Variants in ABITRAM observed in about 807,000 individuals in gnomAD.
The protein encoded by ABITRAM is protein Abitram.
In ABITRAM, 19 loss-of-function variants were observed where a neutral mutation model predicts 22.9. The ratio of observed to expected loss-of-function variants is 0.83; its 90% CI spans 0.58 to 1.22. The LOEUF is 1.22. Among genes scored for constraint, ABITRAM ranks in the 50% most tolerant of loss-of-function variants. The pLI is 0.00. For synonymous variants in ABITRAM, 70 were observed against 73.9 expected (o/e 0.95, Z 0.27); for missense variants, 215 against 220.2 (o/e 0.98, Z 0.15).
Position 108,940,158 on chromosome 9 carries a change from A to G in ABITRAM, c.*472A>G, listed in dbSNP as rs1365598334. On this transcript the variant is annotated 3_prime_UTR_variant, in exon 6 of 6. Coordinates refer to ENST00000322940, the MANE Select transcript of ABITRAM (RefSeq NM_017832.4). ...TAAACGAGTCAAAAATATATCATTA[A>G]CCAAACACGAAACCCACTTATAGAG... 2 of 153,432 alleles carry G rather than the reference A, an allele frequency of 1.3e-5. No homozygotes were observed. Among genetic ancestry groups the G allele is most frequent in the African/African-American group, 2.4e-5 (1 of 41,454 alleles). 9.5% of individuals were successfully genotyped at this position (153,432 alleles called of 1,614,324 possible).
At chr9:108,943,884 T>C (rs1351408839), downstream of ABITRAM, 43 of 1,599,612 alleles carry the variant, frequency 2.7e-5, no homozygotes, top group Non-Finnish European at 3.7e-5. Context: ...TTAAACACAT[T>C]TATACATTGA....
downstream of ABITRAM, among the ~76,000 whole-genome samples, chr9:108,941,438 T>C (rs1284305166): frequency 6.6e-6 from 1 of 152,228 alleles, no homozygotes; most frequent in Non-Finnish European, 1.5e-5. Context: ...CATTCTCCCA[T>C]TATTTCTATT....
At chr9:108,937,876 T>TA (rs1272081030) in intron 3 of ABITRAM, among the ~76,000 whole-genome samples, 1 of 151,150 alleles carries the variant, frequency 6.6e-6, no homozygotes, top group Non-Finnish European at 1.5e-5. Flanking sequence ...CATGTGCCTA[T>TA]AGTCCCAGTT....
chr9:108,942,134 C>G (rs1830263670), downstream of ABITRAM, among the ~76,000 whole-genome samples: 1 of 152,212 alleles, frequency 6.6e-6, no homozygotes, highest in Non-Finnish European at 1.5e-5. Context: ...AAAAACCCAT[C>G]TCATACTCTC....
chr9:108,938,831 G>C (rs12335497), intron 3 of ABITRAM, among the ~76,000 whole-genome samples: 8,029 of 152,042 alleles, frequency 0.053, 323 homozygotes, highest in East Asian at 0.12. Flanking sequence ...CAATATTGCT[G>C]TCATACTGTG....
At chr9:108,938,591 A>C (rs1475452920) in intron 3 of ABITRAM, among the ~76,000 whole-genome samples, 1 of 151,482 alleles carries the variant, frequency 6.6e-6, no homozygotes, top group Non-Finnish European at 1.5e-5. Flanking sequence ...TTGCTGCTTA[A>C]AACTTTTGTT....
chr9:108,936,023 C>T (rs1235479577), intron 2 of ABITRAM: 6 of 495,640 alleles, frequency 1.2e-5, no homozygotes, highest in African/African-American at 3.9e-5. Flanking sequence ...TATGGTATCT[C>T]GTATACACAG....
chr9:108,942,532 A>G (rs1403623752), downstream of ABITRAM: 3 of 523,490 alleles, frequency 5.7e-6, no homozygotes, highest in Non-Finnish European at 1.0e-5. Flanking sequence ...TTTAAAGAAC[A>G]TTAGTGCAAT....
chr9:108,943,255 C>T (rs781329095), downstream of ABITRAM, among the ~76,000 whole-genome samples: 1 of 152,114 alleles, frequency 6.6e-6, no homozygotes, highest in Non-Finnish European at 1.5e-5. Flanking sequence ...TCATGGAACC[C>T]CAGCAGAAAG....
chr9:108,943,727 A>G (rs1299373750), downstream of ABITRAM: 1 of 1,612,842 alleles, frequency 6.2e-7, no homozygotes, highest in Non-Finnish European at 8.5e-7. Flanking sequence ...TATTCTGCAA[A>G]GAAGTCTTAG....
rs1422540018 is a variant in ABITRAM at position 108,940,887 on chromosome 9, T to G, written c.*1201T>G. 1 of 152,204 alleles carries G rather than the reference T, an allele frequency of 6.6e-6. No individual in the cohort carries two copies. Among genetic ancestry groups the G allele is most frequent in the Non-Finnish European group, 1.5e-5 (1 of 68,020 alleles). The allele number at this position is 152,204 out of a possible 1,614,324, so 9.4% of individuals were successfully genotyped here. ...TAAAAGGACTATAAAACGTGTTATT[T>G]TTCTGTAAGGGCTATAACATACATG... On this transcript the variant is annotated 3_prime_UTR_variant, in exon 6 of 6. Coordinates refer to ENST00000322940, the MANE Select transcript of ABITRAM (RefSeq NM_017832.4).
downstream of ABITRAM, chr9:108,943,895 T>C (rs1218433114): frequency 1.7e-5 from 27 of 1,598,172 alleles, no homozygotes; most frequent in East Asian, 5.8e-4. Context: ...TATACATTGA[T>C]ATTATACCCC....
intron 3 of ABITRAM, among the ~76,000 whole-genome samples, chr9:108,947,099 T>G (rs1587940902): frequency 6.6e-6 from 1 of 150,818 alleles, no homozygotes. Flanking sequence ...AGTGATAAAG[T>G]GATAGAAATT....
chr9:108,934,924 T>A (rs902970108), intron 1 of ABITRAM, among the ~76,000 whole-genome samples: 1 of 152,092 alleles, frequency 6.6e-6, no homozygotes, highest in Non-Finnish European at 1.5e-5. Flanking sequence ...TAGCGATACA[T>A]AAAATTATTT....
At chr9:108,939,360 C>G in intron 4 of ABITRAM, 25 bp from the exon 5 acceptor site, 1 of 1,597,444 alleles carries the variant, frequency 6.3e-7, no homozygotes, top group East Asian at 2.2e-5. Context: ...AGTAAACATG[C>G]TGAAATCTTA....
intron 3 of ABITRAM, among the ~76,000 whole-genome samples, chr9:108,937,504 T>G (rs547319772): frequency 1.3e-5 from 2 of 152,212 alleles, no homozygotes; most frequent in African/African-American, 2.4e-5. Context: ...GAGACCCTTA[T>G]TCAAACCCCC....
chr9:108,938,116 A>G (rs974096354), intron 3 of ABITRAM, among the ~76,000 whole-genome samples: 1 of 152,176 alleles, frequency 6.6e-6, no homozygotes, highest in African/African-American at 2.4e-5. Flanking sequence ...TCATTCTCCC[A>G]AAGGAGGTGA....
chr9:108,939,805 G>A lies in ABITRAM; in HGVS notation c.*119G>A. Reference sequence around the variant, plus strand: ...TACCTAACAGCCAGCCATATGCAGGGGAGGCCTAGTGCTTCACTTAGTTTT... The same window carrying A: ...TACCTAACAGCCAGCCATATGCAGGAGAGGCCTAGTGCTTCACTTAGTTTT... On this transcript the variant is annotated 3_prime_UTR_variant, in exon 6 of 6. Transcript: ENST00000322940. 8.4e-7 allele frequency: 1 copy of A among 1,192,610 alleles called. No homozygotes were observed. Among genetic ancestry groups the A allele is most frequent in the Non-Finnish European group, 1.2e-6 (1 of 849,534 alleles). The allele number at this position is 1,192,610 out of a possible 1,614,324, so 73.9% of individuals were successfully genotyped here.
downstream of ABITRAM, chr9:108,942,920 A>AT (rs1830285782): frequency 6.2e-7 from 1 of 1,608,778 alleles, no homozygotes; most frequent in Admixed American, 1.7e-5. Flanking sequence ...CTTTTAAACC[A>AT]TTTTTTAAAG....
Sources: gnomAD v4.1 joint callset for allele counts (sites outside exome capture counted in the v4.1 genomes callset) on GRCh38, gnomAD v4.1.1 for gene constraint, MANE v1.5 for transcripts, NCBI Gene and HGNC (gene_info 2026-07-23, HGNC 2026-07-21) for gene names.